Variants in SLC24A3 observed in about 807,000 individuals in gnomAD.
SLC24A3 encodes the protein sodium/potassium/calcium exchanger 3.
In SLC24A3, 28 loss-of-function variants were observed where a neutral mutation model predicts 75.8. That is an observed-to-expected ratio of 0.37 (90% CI 0.27 to 0.51). The LOEUF (loss-of-function observed/expected upper bound fraction) is 0.51, where lower values mean the gene tolerates loss of function less well. Ranked by LOEUF, SLC24A3 falls within the 20% of genes least tolerant of loss-of-function variation. SLC24A3 has a pLI of 0.94. For synonymous variants in SLC24A3, 372 were observed against 334.1 expected, an observed-to-expected ratio of 1.11 and a Z score of -1.24; for missense variants, 663 against 847.8, an observed-to-expected ratio of 0.78 and a Z score of 2.71.
intron 2 of SLC24A3, among the ~76,000 whole-genome samples, chr20:19,422,123 G>A (rs1986927908): frequency 6.6e-6 from 1 of 152,006 alleles, no homozygotes; most frequent in African/African-American, 2.4e-5. Flanking sequence ...TGTGTTCTCT[G>A]GCCAGAGAAC....
intron 10 of SLC24A3, among the ~76,000 whole-genome samples, chr20:19,683,551 G>A (rs1473936973): frequency 6.6e-6 from 1 of 152,162 alleles, no homozygotes; most frequent in Non-Finnish European, 1.5e-5. Context: ...TCATAGACTG[G>A]GCTGAGGGAA....
At chr20:19,575,308 C>T (rs1389055543) in intron 3 of SLC24A3, among the ~76,000 whole-genome samples, 2 of 150,684 alleles carry the variant, frequency 1.3e-5, no homozygotes, top group Non-Finnish European at 2.9e-5. Context: ...GAACACCACC[C>T]TCCTTGGGAT....
chr20:19,678,314 G>A (rs1330879480), intron 9 of SLC24A3, among the ~76,000 whole-genome samples: 4 of 133,852 alleles, frequency 3.0e-5, no homozygotes, highest in Non-Finnish European at 3.3e-5. Context: ...CCTCCCAGAC[G>A]GGGCGGCTGG....
chr20:19,397,044 A>G (rs1986465277), intron 2 of SLC24A3, among the ~76,000 whole-genome samples: 1 of 152,186 alleles, frequency 6.6e-6, no homozygotes, highest in African/African-American at 2.4e-5. Context: ...TAAATATTGG[A>G]GGTAGCAAAC....
chr20:19,220,819 A>AT (rs1473495674), intron 1 of SLC24A3, among the ~76,000 whole-genome samples: 3 of 152,310 alleles, frequency 2.0e-5, no homozygotes, highest in African/African-American at 7.2e-5. Flanking sequence ...TGGCCTGGGC[A>AT]TTGGGATTTT....
intron 2 of SLC24A3, among the ~76,000 whole-genome samples, chr20:19,355,673 A>G (rs995992694): frequency 2.0e-5 from 3 of 152,212 alleles, no homozygotes; most frequent in Non-Finnish European, 2.9e-5. Context: ...GGTATTTCCA[A>G]CCTATAGTGA....
rs1293284783 is a variant in SLC24A3 at position 19,685,193 on chromosome 20, G to T, written c.1156G>T (p.Gly386Trp). 6.2e-7 allele frequency: 1 copy of T among 1,614,220 alleles called. No individual in the cohort carries two copies. Among genetic ancestry groups the T allele is most frequent in the Admixed American group, 1.7e-5 (1 of 60,028 alleles). The change falls in exon 12 of 17, where the codon GGG becomes TGG. Residue 386 changes from glycine (G) to tryptophan (W), a missense_variant. This residue lies in a region of SLC24A3 where 510 missense variants were observed against 703.6 expected (regional missense o/e 0.72). Transcript: ENST00000328041. ...PIKHTVENGTGPSSAPDRGVN... is the reference protein window; with the variant it reads ...PIKHTVENGTWPSSAPDRGVN... Reference sequence around the variant, plus strand: ...TAAGCACACCGTGGAGAATGGGACAGGGCCCAGCAGTGCCCCAGACAGGGG... The same window carrying T: ...TAAGCACACCGTGGAGAATGGGACATGGCCCAGCAGTGCCCCAGACAGGGG...
chr20:19,698,743 C>T, intron 15 of SLC24A3, 63 bp downstream of exon 15: 2 of 1,268,824 alleles, frequency 1.6e-6, no homozygotes, highest in Non-Finnish European at 2.2e-6. Context: ...TTTTAACAGC[C>T]TTGGCCACAG....
intron 2 of SLC24A3, among the ~76,000 whole-genome samples, chr20:19,404,292 A>G (rs1426551179): frequency 2.0e-5 from 3 of 152,226 alleles, no homozygotes; most frequent in African/African-American, 7.2e-5. Context: ...TCGTATTTAG[A>G]CAATGAAATA....
chr20:19,488,359 G>A (rs1988158461), intron 2 of SLC24A3, among the ~76,000 whole-genome samples: 1 of 152,188 alleles, frequency 6.6e-6, no homozygotes, highest in Non-Finnish European at 1.5e-5. Context: ...GGACTGACAC[G>A]TTAGGATGGG....
At chr20:19,612,199 C>A (rs1249720879) in intron 6 of SLC24A3, among the ~76,000 whole-genome samples, 1 of 152,216 alleles carries the variant, frequency 6.6e-6, no homozygotes, top group Non-Finnish European at 1.5e-5. Flanking sequence ...TTTCCAGCAG[C>A]TCTAACAAAC....
At chr20:19,448,286 A>G (rs536655513) in intron 2 of SLC24A3, among the ~76,000 whole-genome samples, 23 of 152,366 alleles carry the variant, frequency 1.5e-4, no homozygotes, top group Non-Finnish European at 2.5e-4. Context: ...AATAGCTACT[A>G]TGTATCGGGT....
At chr20:19,325,843 G>GAGAGAGAC (rs1338022219) in intron 2 of SLC24A3, among the ~76,000 whole-genome samples, 1 of 119,388 alleles carries the variant, frequency 8.4e-6, no homozygotes, top group Non-Finnish European at 1.7e-5. Flanking sequence ...GAGAGAGGGA[G>GAGAGAGAC]ACATCTGGAG....
intron 2 of SLC24A3, among the ~76,000 whole-genome samples, chr20:19,476,736 C>T (rs566706422): frequency 1.3e-5 from 2 of 152,196 alleles, no homozygotes; most frequent in South Asian, 4.2e-4. Flanking sequence ...TGGGGCCTTC[C>T]GTAGCAAGGA....
intron 2 of SLC24A3, among the ~76,000 whole-genome samples, chr20:19,440,590 G>A (rs1264202915): frequency 6.6e-6 from 1 of 151,298 alleles, no homozygotes; most frequent in Admixed American, 6.6e-5. Flanking sequence ...TAAACCAGAA[G>A]AGATTTCATT....
chr20:19,684,190 A>G lies in SLC24A3; in HGVS notation c.916A>G (p.Lys306Glu), dbSNP rs138878324. 1 of 1,613,314 alleles carries G rather than the reference A, an allele frequency of 6.2e-7. No homozygotes were observed. Among genetic ancestry groups the G allele is most frequent in the African/African-American group, 1.3e-5 (1 of 75,014 alleles). Residue 306 changes from lysine (K) to glutamate (E), a missense_variant, in exon 11 of 17, where the codon AAA becomes GAA. Physicochemically the swap from Lys to Glu is moderately conservative, Grantham distance 56 (BLOSUM62 1). Coordinates refer to ENST00000328041, the MANE Select transcript of SLC24A3 (RefSeq NM_020689.4). Reference sequence around the variant, plus strand: ...CGTTTCCCTAGCAAATTTCCACCGCAAAGCATCAGTGATCATGGTAGACGA... The same window carrying G: ...CGTTTCCCTAGCAAATTTCCACCGCGAAGCATCAGTGATCATGGTAGACGA... ...VLLKKANFHRKASVIMVDELL... is the reference protein window; with the variant it reads ...VLLKKANFHREASVIMVDELL...
At chr20:19,522,801 A>G (rs953116311) in intron 3 of SLC24A3, among the ~76,000 whole-genome samples, 2 of 143,860 alleles carry the variant, frequency 1.4e-5, no homozygotes, top group African/African-American at 5.2e-5. Context: ...TTTTTTTTTT[A>G]ACTGAATAAC....
chr20:19,559,478 C>T (rs550528094), intron 3 of SLC24A3, among the ~76,000 whole-genome samples: 2 of 152,072 alleles, frequency 1.3e-5, no homozygotes, highest in Middle Eastern at 3.2e-3. Flanking sequence ...TGTTTGGTTT[C>T]GTTTGATGTG....
chr20:19,534,577 AT>A (rs1338247717), intron 3 of SLC24A3, among the ~76,000 whole-genome samples: 2 of 152,034 alleles, frequency 1.3e-5, no homozygotes, highest in African/African-American at 4.8e-5. Flanking sequence ...CGCCTGGCTA[AT>A]TTGTTCGTAT....
Sources: gnomAD v4.1 joint callset for allele counts (sites outside exome capture counted in the v4.1 genomes callset) on GRCh38, gnomAD v4.1.1 for gene constraint, gnomAD v4.1.1 regional missense constraint, MANE v1.5 for transcripts, NCBI Gene and HGNC (gene_info 2026-07-23, HGNC 2026-07-21) for gene names.